ACAA2: variants seen among roughly 807,000 people sequenced by gnomAD.
ACAA2 encodes the protein 3-ketoacyl-CoA thiolase, mitochondrial.
A neutral mutation model predicts 44.8 loss-of-function variants in ACAA2; 35 were observed. The ratio of observed to expected loss-of-function variants is 0.78; its 90% CI spans 0.60 to 1.04. ACAA2 has a LOEUF of 1.04. Among genes scored for constraint, ACAA2 ranks in the 50% least tolerant of loss-of-function variants. The pLI, the probability that ACAA2 is intolerant of heterozygous loss-of-function variation, is 0.00. For missense variants in ACAA2, 468 were observed against 482.6 expected, an observed-to-expected ratio of 0.97 and a Z score of 0.28; for synonymous variants, 142 against 166.5, an observed-to-expected ratio of 0.85 and a Z score of 1.13.
intron 2 of ACAA2, 124 bp from the exon 3 acceptor site, chr18:49,797,718 G>T: frequency 1.5e-6 from 1 of 680,596 alleles, no homozygotes; most frequent in Non-Finnish European, 2.3e-6. Flanking sequence ...TCTAAGGTAG[G>T]ACAAAATGCA....
At chr18:49,807,646 A>T (rs1260397698) in intron 1 of ACAA2, among the ~76,000 whole-genome samples, 1 of 151,998 alleles carries the variant, frequency 6.6e-6, no homozygotes. Flanking sequence ...AGCCTGGGAG[A>T]CATGATGGGA....
rs1555789737 is a variant in ACAA2 at position 49,787,272 on chromosome 18, A to AAAAAC, written c.954+18_954+19insGTTTT. On this transcript the variant is annotated intron_variant, in intron 8 of 9. Coordinates refer to ENST00000285093, the MANE Select transcript of ACAA2 (RefSeq NM_006111.3). ...TTATTCATGTTGTTAAAAAAAAAAA[A>AAAAAC]AAAAAAAAAAACACTTACCTCTACC... 3.1e-5 allele frequency: 42 copies of AAAAAC among 1,356,814 alleles called. No homozygotes were observed. Among genetic ancestry groups the AAAAAC allele is most frequent in the Non-Finnish European group, 1.9e-5 (20 of 1,027,550 alleles). The allele number at this position is 1,356,814 out of a possible 1,614,324, so 84.0% of individuals were successfully genotyped here.
rs1364663109 is a variant in ACAA2, at chr18:49,806,466, G to C, written c.17-3613C>G. On this transcript the variant is annotated intron_variant, in intron 1 of 9. Coordinates refer to ENST00000285093, the MANE Select transcript of ACAA2 (RefSeq NM_006111.3). ...GGGAGACATAGTTTATCACGGGGGT[G>C]CATGGGGGTGATTTTGTAGGCAAAG... Among the ~76,000 whole-genome samples the C allele has an allele frequency of 2.0e-5, 3 of 152,196 alleles. No individual in the cohort carries two copies. The East Asian group carries it at 5.8e-4, about 29-fold the overall frequency.
At position 49,783,932 on chromosome 18, in the gene ACAA2, C is replaced by A. The variant is rs746086615; in HGVS notation, c.1110-1G>T. 2.5e-6 allele frequency: 4 copies of A among 1,613,800 alleles called. No homozygotes were observed. The South Asian group carries it at 4.4e-5, about 18-fold the overall frequency. ...AACGGCATATTTTCCACCTCGACGC[C>A]TGAAAAAGAAAGCAGTGACTGAAAT... On this transcript the variant is annotated splice_acceptor_variant, in intron 9 of 9. Coordinates refer to ENST00000285093, the MANE Select transcript of ACAA2 (RefSeq NM_006111.3). LOFTEE classifies it high-confidence loss of function.
At chr18:49,789,972 A>C (rs936733517) in intron 7 of ACAA2, among the ~76,000 whole-genome samples, 26 of 151,800 alleles carry the variant, frequency 1.7e-4, no homozygotes, top group Non-Finnish European at 3.2e-4. Flanking sequence ...AACAAAACCA[A>C]CTCTGCTCTT....
intron 3 of ACAA2, among the ~76,000 whole-genome samples, chr18:49,796,443 C>A (rs574624317): frequency 2.0e-5 from 3 of 152,138 alleles, no homozygotes; most frequent in African/African-American, 7.2e-5. Context: ...ACCGAGGTCA[C>A]TATTTAAGAT....
intron 1 of ACAA2, among the ~76,000 whole-genome samples, chr18:49,803,776 A>T (rs549810125): frequency 6.6e-6 from 1 of 152,178 alleles, no homozygotes; most frequent in Non-Finnish European, 1.5e-5. Context: ...CACTCACTCT[A>T]TAAGAACTAC....
rs112061940 is a variant in ACAA2 at position 49,807,201 on chromosome 18, C to T, written c.17-4348G>A. Among the ~76,000 whole-genome samples, 653 of 152,204 alleles carry T rather than the reference C, an allele frequency of 4.3e-3. 8 individuals carry two copies. The highest frequency in any genetic ancestry group is 0.014 in the African/African-American group (587 of 41,506). The stretch of plus-strand genomic sequence containing the variant: ...TGTCAGGATAGGAGTTTGAAACCAG[C>T]CTAGGCAACATAGCGAGATCCCCAT... On this transcript the variant is annotated intron_variant, in intron 1 of 9. Transcript: ENST00000285093.
At chr18:49,796,927 G>A (rs549933839) in intron 3 of ACAA2, among the ~76,000 whole-genome samples, 3 of 151,746 alleles carry the variant, frequency 2.0e-5, no homozygotes, top group South Asian at 2.1e-4. Flanking sequence ...GGAAGCACTC[G>A]AAAGAATGAT....
At chr18:49,785,154 TA>T (rs750432803) in intron 9 of ACAA2, 42 bp downstream of exon 9, 3 of 1,596,814 alleles carry the variant, frequency 1.9e-6, no homozygotes, top group East Asian at 2.2e-5. Context: ...TGCATTTCTA[TA>T]AAAAACAGCA....
chr18:49,801,405 T>C (rs529271018), intron 2 of ACAA2, among the ~76,000 whole-genome samples: 37 of 152,352 alleles, frequency 2.4e-4, no homozygotes, highest in Non-Finnish European at 4.1e-4. Context: ...ATATTTTTCC[T>C]TCAAAATTCT....
intron 9 of ACAA2, among the ~76,000 whole-genome samples, chr18:49,784,606 T>G (rs1378647646): frequency 2.0e-5 from 3 of 152,144 alleles, no homozygotes; most frequent in African/African-American, 7.2e-5. Context: ...GTCAGAGTAA[T>G]TTTTCAGCCT....
chr18:49,802,292 G>A (rs1490943082), intron 2 of ACAA2, among the ~76,000 whole-genome samples: 1 of 152,126 alleles, frequency 6.6e-6, no homozygotes, highest in Non-Finnish European at 1.5e-5. Flanking sequence ...GGCTGGGAGT[G>A]GTGGCTCACG....
In ACAA2 at chr18:49,801,810, A is replaced by ATATATATATATC. The variant is rs1163274955; in HGVS notation, c.183+876_183+877insGATATATATATA. On this transcript the variant is annotated intron_variant, in intron 2 of 9. Coordinates refer to ENST00000285093, the MANE Select transcript of ACAA2 (RefSeq NM_006111.3). ...CATATATATATATATATATATATATATATATCTTATCTTTTTCATTAGATT... is the reference window on the plus strand; with the variant it reads ...CATATATATATATATATATATATATATATATATATATCTATATCTTATCTTTTTCATTAGATT... Among the ~76,000 whole-genome samples the ATATATATATATC allele has an allele frequency of 3.8e-4, 55 of 144,986 alleles. 2 individuals carry two copies. The highest frequency in any genetic ancestry group is 1.3e-3 in the African/African-American group (52 of 39,396).
At chr18:49,812,730 T>C (rs1163656302) in intron 1 of ACAA2, 1 of 152,178 alleles carries the variant, frequency 6.6e-6, no homozygotes, top group Non-Finnish European at 1.5e-5. Flanking sequence ...CCCACCTTCT[T>C]ACAGAGCCCA....
In ACAA2 at chr18:49,787,260, T is replaced by TAAAAAAAA. The variant is rs35932656; in HGVS notation, c.954+23_954+30dup. ...AAAGTACATGGTTTATTCATGTTGT[T>TAAAAAAAA]AAAAAAAAAAAAAAAAAAAAAAACA... On this transcript the variant is annotated intron_variant, in intron 8 of 9. Coordinates refer to ENST00000285093, the MANE Select transcript of ACAA2 (RefSeq NM_006111.3). 2.0e-4 allele frequency: 203 copies of TAAAAAAAA among 1,027,808 alleles called. 2 individuals are homozygous for TAAAAAAAA. The highest frequency in any genetic ancestry group is 5.9e-4 in the African/African-American group (30 of 51,042). The allele number at this position is 1,027,808 out of a possible 1,614,324, so 63.7% of individuals were successfully genotyped here.
chr18:49,786,012 A>C (rs2143944809), intron 8 of ACAA2: 1 of 152,174 alleles, frequency 6.6e-6, no homozygotes, highest in East Asian at 1.9e-4. Context: ...ACAAACTGGC[A>C]ATTACCTTAC....
chr18:49,810,013 A>G (rs1487101859), intron 1 of ACAA2, among the ~76,000 whole-genome samples: 1 of 152,208 alleles, frequency 6.6e-6, no homozygotes, highest in African/African-American at 2.4e-5. Context: ...ATTTTTTTGT[A>G]AAACCTAAAT....
intron 3 of ACAA2, among the ~76,000 whole-genome samples, chr18:49,796,610 CTTTAAAAAGG>C: frequency 6.6e-6 from 1 of 152,132 alleles, no homozygotes; most frequent in Admixed American, 6.5e-5. Context: ...ACCAACTGTC[CTTTAAAAAGG>C]TCAAACTAGT....
Sources: gnomAD v4.1 joint callset for allele counts (sites outside exome capture counted in the v4.1 genomes callset) on GRCh38, gnomAD v4.1.1 for gene constraint, MANE v1.5 for transcripts, NCBI Gene and HGNC (gene_info 2026-07-23, HGNC 2026-07-21) for gene names.